GHR: variants seen among roughly 807,000 people sequenced by gnomAD.
GHR encodes the protein growth hormone receptor.
Under a neutral mutation model 67.1 loss-of-function variants are expected in GHR, and 35 were observed. That is an observed-to-expected ratio of 0.52 (90% CI 0.40 to 0.69). The LOEUF is 0.69. GHR is among the 30% of genes least tolerant of loss of function. The probability of loss-of-function intolerance (pLI) is 0.00; values close to 1 mark genes in which losing one functional copy is unlikely to be tolerated. For synonymous variants in GHR, 272 were observed against 269.1 expected (o/e 1.01, Z -0.10); for missense variants, 792 against 764.6 (o/e 1.04, Z -0.42).
chr5:42,627,627 A>G (rs1753768559), intron 2 of GHR, among the ~76,000 whole-genome samples: 1 of 152,220 alleles, frequency 6.6e-6, no homozygotes, highest in Admixed American at 6.5e-5. Flanking sequence ...TCACCTGTTC[A>G]GTTGCCCCAC....
Position 42,468,657 on chromosome 5 carries a change from G to C in GHR, c.-12+44702G>C, listed in dbSNP as rs1440654099. 8.7e-6 allele frequency: 9 copies of C among 1,034,140 alleles called. No homozygotes were observed. In the East Asian group the frequency reaches 1.9e-4, roughly 22 times the overall value. 64.1% of individuals were successfully genotyped at this position (1,034,140 alleles called of 1,614,324 possible). On this transcript the variant is annotated intron_variant, in intron 1 of 9. Transcript: ENST00000230882. ...TTGCTGTCTTTCTGGGACTCCTTGC[G>C]CAGCTAGCTATTTGCCTGCCGCCTT... is the stretch of plus-strand genomic sequence containing the variant.
intron 1 of GHR, among the ~76,000 whole-genome samples, chr5:42,537,379 G>T (rs923576871): frequency 9.9e-5 from 15 of 152,096 alleles, no homozygotes; most frequent in African/African-American, 3.4e-4. Context: ...TCAGTTCAAA[G>T]AATTTTTTAA....
At chr5:42,526,372 G>C (rs1439404185) in intron 1 of GHR, among the ~76,000 whole-genome samples, 1 of 152,178 alleles carries the variant, frequency 6.6e-6, no homozygotes, top group Non-Finnish European at 1.5e-5. Context: ...GCTAGCAGAG[G>C]TTGGAAATTT....
intron 1 of GHR, among the ~76,000 whole-genome samples, chr5:42,489,691 A>G (rs1746031281): frequency 6.6e-6 from 1 of 152,202 alleles, no homozygotes; most frequent in African/African-American, 2.4e-5. Flanking sequence ...ATCATTGTGT[A>G]TTGATATGAA....
intron 5 of GHR, among the ~76,000 whole-genome samples, chr5:42,695,912 T>C (rs1757651072): frequency 6.6e-6 from 1 of 152,214 alleles, no homozygotes; most frequent in Non-Finnish European, 1.5e-5. Flanking sequence ...ATAAGCTGAC[T>C]GGAAGACATA....
chr5:42,442,256 A>G (rs1743610915), intron 1 of GHR, among the ~76,000 whole-genome samples: 1 of 152,244 alleles, frequency 6.6e-6, no homozygotes, highest in Non-Finnish European at 1.5e-5. Context: ...AGTGAAATTT[A>G]GTAGGACTGC....
At chr5:42,435,303 C>T (rs1743276326) in intron 1 of GHR, among the ~76,000 whole-genome samples, 1 of 152,072 alleles carries the variant, frequency 6.6e-6, no homozygotes, top group South Asian at 2.1e-4. Flanking sequence ...TGTCAACGTG[C>T]CTGTATTATT....
intron 2 of GHR, among the ~76,000 whole-genome samples, chr5:42,602,321 T>G (rs1752416728): frequency 6.6e-6 from 1 of 152,118 alleles, no homozygotes; most frequent in African/African-American, 2.4e-5. Flanking sequence ...CGTTTTCACA[T>G]CCCCTGTGAA....
intron 2 of GHR, among the ~76,000 whole-genome samples, chr5:42,623,554 T>C (rs932163908): frequency 2.6e-5 from 4 of 152,158 alleles, no homozygotes; most frequent in African/African-American, 4.8e-5. Context: ...TGGCCCCAAC[T>C]GCCCTTTCTT....
chr5:42,686,914 T>C (rs1757182011), intron 3 of GHR, among the ~76,000 whole-genome samples: 1 of 152,224 alleles, frequency 6.6e-6, no homozygotes, highest in Non-Finnish European at 1.5e-5. Flanking sequence ...GACATGATTG[T>C]ATATTTAGAA....
At chr5:42,634,132 T>G (rs1754055718) in intron 3 of GHR, among the ~76,000 whole-genome samples, 1 of 152,156 alleles carries the variant, frequency 6.6e-6, no homozygotes. Flanking sequence ...CTTTGTCTTT[T>G]TTTTTTCATC....
chr5:42,576,198 G>A (rs1036000127), intron 2 of GHR, among the ~76,000 whole-genome samples: 5 of 151,620 alleles, frequency 3.3e-5, no homozygotes, highest in Non-Finnish European at 2.9e-5. Context: ...CCAAAGCACT[G>A]ACAGCATCTG....
intron 2 of GHR, among the ~76,000 whole-genome samples, chr5:42,595,157 G>T (rs1436315108): frequency 6.6e-6 from 1 of 152,114 alleles, no homozygotes; most frequent in Non-Finnish European, 1.5e-5. Flanking sequence ...ACTTGGCTTT[G>T]CTTAGTATTT....
chr5:42,561,408 T>C (rs1749598766), intron 1 of GHR, among the ~76,000 whole-genome samples: 1 of 152,220 alleles, frequency 6.6e-6, no homozygotes, highest in Non-Finnish European at 1.5e-5. Flanking sequence ...ACTTGCTAAT[T>C]CTAAATTAAA....
intron 3 of GHR, among the ~76,000 whole-genome samples, chr5:42,667,757 G>A (rs1315916024): frequency 6.6e-6 from 1 of 152,164 alleles, no homozygotes; most frequent in East Asian, 1.9e-4. Flanking sequence ...GGTATGGGTG[G>A]AAATAAACCC....
rs1009458980 is a variant in GHR at position 42,551,024 on chromosome 5, A to G, written c.-11-14840A>G. ...TGGTCTGGATGTTCCTGAGGTGGAA[A>G]GAGAACCTCTAGTGCCTCTGGCTGA... On this transcript the variant is annotated intron_variant, in intron 1 of 9. Transcript: ENST00000230882. Among the ~76,000 whole-genome samples, 3 of 152,348 alleles carry G rather than the reference A, an allele frequency of 2.0e-5. No homozygotes were observed. The South Asian group carries it at 6.2e-4, about 32-fold the overall frequency.
chr5:42,528,573 C>T (rs748156930), intron 1 of GHR, among the ~76,000 whole-genome samples: 20 of 152,048 alleles, frequency 1.3e-4, no homozygotes, highest in Non-Finnish European at 2.6e-4. Context: ...GGTGAAGATG[C>T]CATGAACACT....
Position 42,478,276 on chromosome 5 carries a change from G to C in GHR, c.-12+54321G>C, listed in dbSNP as rs1052825780. Among the ~76,000 whole-genome samples the C allele has an allele frequency of 4.1e-4, 62 of 152,278 alleles. 1 individual carries two copies. Among genetic ancestry groups the C allele is most frequent in the African/African-American group, 1.5e-3 (61 of 41,540 alleles). On this transcript the variant is annotated intron_variant, in intron 1 of 9. Coordinates refer to ENST00000230882, the MANE Select transcript of GHR (RefSeq NM_000163.5). ...TTTGGTACCAGTACCATGCTGTTTT[G>C]GTTACTGTAGCCTAGTAGTATAGTT...
chr5:42,462,026 C>T (rs1744508059), intron 1 of GHR, among the ~76,000 whole-genome samples: 1 of 152,198 alleles, frequency 6.6e-6, no homozygotes, highest in African/African-American at 2.4e-5. Context: ...AAACATGGTA[C>T]CCAGAGGCCA....
Sources: gnomAD v4.1 joint callset for allele counts (sites outside exome capture counted in the v4.1 genomes callset) on GRCh38, gnomAD v4.1.1 for gene constraint, MANE v1.5 for transcripts, NCBI Gene and HGNC (gene_info 2026-07-23, HGNC 2026-07-21) for gene names.